The following ANKS1B variants were observed in gnomAD, a reference collection of about 807,000 sequenced individuals.
ANKS1B encodes ankyrin repeat and sterile alpha motif domain containing 1B, also known as ankyrin repeat and sterile alpha motif domain-containing protein 1B.
A neutral mutation model predicts 148.3 loss-of-function variants in ANKS1B; 36 were observed. The ratio of observed to expected loss-of-function variants is 0.24; its 90% CI spans 0.19 to 0.32. ANKS1B has a LOEUF of 0.32. Among genes scored for constraint, ANKS1B ranks in the 10% least tolerant of loss-of-function variants. The pLI is 1.00. For missense variants in ANKS1B, 1,157 were observed against 1,542.6 expected (o/e 0.75, Z 4.19); for synonymous variants, 542 against 560.8 (o/e 0.97, Z 0.47).
At chr12:99,001,158 A>AG (rs1266580749) in intron 17 of ANKS1B, among the ~76,000 whole-genome samples, 3 of 151,922 alleles carry the variant, frequency 2.0e-5, no homozygotes, top group Admixed American at 6.6e-5. Flanking sequence ...TTTTTGAGAC[A>AG]GGGTCTCGCT....
At chr12:99,226,303 C>T (rs542685971) in intron 14 of ANKS1B, among the ~76,000 whole-genome samples, 1 of 152,248 alleles carries the variant, frequency 6.6e-6, no homozygotes, top group East Asian at 1.9e-4. Context: ...CTATCACAAC[C>T]ATTTCATGTG....
chr12:99,451,213 G>C (rs952822316), intron 10 of ANKS1B, among the ~76,000 whole-genome samples: 2 of 151,954 alleles, frequency 1.3e-5, no homozygotes, highest in African/African-American at 4.8e-5. Flanking sequence ...ATGAATGTCA[G>C]TTTAGTCTAT....
chr12:99,189,846 T>C (rs2080405532), intron 14 of ANKS1B, among the ~76,000 whole-genome samples: 1 of 152,108 alleles, frequency 6.6e-6, no homozygotes. Context: ...GCCAGGGCAA[T>C]CAGGCAAGAC....
intron 9 of ANKS1B, among the ~76,000 whole-genome samples, chr12:99,582,717 G>C (rs975589981): frequency 2.0e-5 from 3 of 152,020 alleles, no homozygotes; most frequent in African/African-American, 4.8e-5. Flanking sequence ...GGTAAATAAG[G>C]GAATGTTTTT....
At chr12:99,928,277 T>TA (rs2094524192) in intron 1 of ANKS1B, among the ~76,000 whole-genome samples, 2 of 55,484 alleles carry the variant, frequency 3.6e-5, no homozygotes, top group Admixed American at 1.5e-4. Flanking sequence ...TTTTATTTTT[T>TA]TTTTTTTTTT....
intron 9 of ANKS1B, among the ~76,000 whole-genome samples, chr12:99,555,566 G>T (rs2097267421): frequency 6.6e-6 from 1 of 152,102 alleles, no homozygotes; most frequent in Admixed American, 6.6e-5. Flanking sequence ...TATGATGTTG[G>T]TTGTGGGTTT....
intron 9 of ANKS1B, among the ~76,000 whole-genome samples, chr12:99,601,395 T>C (rs887200181): frequency 4.6e-5 from 7 of 152,092 alleles, no homozygotes; most frequent in Admixed American, 6.6e-5. Context: ...AATTTTAACA[T>C]TGCCTGGAAA....
intron 9 of ANKS1B, among the ~76,000 whole-genome samples, chr12:99,544,973 T>C (rs924662267): frequency 1.3e-5 from 2 of 152,204 alleles, no homozygotes; most frequent in Non-Finnish European, 2.9e-5. Context: ...GAGCCCTGGC[T>C]ACATTATCTG....
At chr12:99,672,752 T>C (rs1017917756) in intron 8 of ANKS1B, among the ~76,000 whole-genome samples, 3 of 152,258 alleles carry the variant, frequency 2.0e-5, no homozygotes, top group South Asian at 2.1e-4. Flanking sequence ...CCCCCAGCCA[T>C]AGAATACCTT....
chr12:99,747,835 A>G (rs554516023), intron 8 of ANKS1B, among the ~76,000 whole-genome samples: 1 of 152,238 alleles, frequency 6.6e-6, no homozygotes, highest in East Asian at 1.9e-4. Context: ...AAAATGAACC[A>G]TTTTCTCATA....
intron 15 of ANKS1B, among the ~76,000 whole-genome samples, chr12:99,127,899 C>T (rs990631084): frequency 6.6e-6 from 1 of 152,154 alleles, no homozygotes; most frequent in African/African-American, 2.4e-5. Context: ...AGGATGAACA[C>T]AATTTATTTT....
chr12:98,842,421 G>C (rs2099412056), intron 17 of ANKS1B, among the ~76,000 whole-genome samples: 1 of 152,180 alleles, frequency 6.6e-6, no homozygotes, highest in Non-Finnish European at 1.5e-5. Context: ...TCTGGAGTAG[G>C]AATAGGAGCA....
chr12:99,791,735 T>C (rs2065680241), intron 4 of ANKS1B, among the ~76,000 whole-genome samples: 1 of 151,790 alleles, frequency 6.6e-6, no homozygotes, highest in African/African-American at 2.4e-5. Flanking sequence ...TACCAAAACC[T>C]ATGGGACACA....
At chr12:99,713,979 A>T (rs1404964459) in intron 8 of ANKS1B, among the ~76,000 whole-genome samples, 1 of 152,192 alleles carries the variant, frequency 6.6e-6, no homozygotes, top group Non-Finnish European at 1.5e-5. Flanking sequence ...ATGCACATTT[A>T]TCTTCTTTTT....
At chr12:99,781,926 G>T in intron 5 of ANKS1B, 96 bp downstream of exon 5, 3 of 1,045,194 alleles carry the variant, frequency 2.9e-6, no homozygotes, top group South Asian at 1.5e-5. Flanking sequence ...GCAAGAGGGT[G>T]ATTTGTGAAG....
rs2098498771 is a variant in ANKS1B at position 99,664,992 on chromosome 12, C to T, written c.1129-9782G>A. Among the ~76,000 whole-genome samples, 5 of 152,158 alleles carry T rather than the reference C, an allele frequency of 3.3e-5. No homozygotes were observed. The South Asian group carries it at 8.3e-4, about 25-fold the overall frequency. On this transcript the variant is annotated intron_variant, in intron 8 of 26. Transcript: ENST00000683438. ...TCCAAAGTAATATTCCATTGTATGG[C>T]TATACCAAAGTTTTGTTTATACATT... is the stretch of plus-strand genomic sequence containing the variant.
intron 1 of ANKS1B, among the ~76,000 whole-genome samples, chr12:99,975,947 T>C (rs1269168955): frequency 2.0e-5 from 3 of 152,180 alleles, no homozygotes; most frequent in African/African-American, 7.2e-5. Context: ...GGAATCAATC[T>C]AGATGCCCAT....
chr12:98,848,724 T>G (rs2099499597), intron 17 of ANKS1B, among the ~76,000 whole-genome samples: 1 of 144,762 alleles, frequency 6.9e-6, no homozygotes, highest in South Asian at 2.2e-4. Flanking sequence ...ATACCTGGAT[T>G]AATTTCTGTG....
At chr12:99,107,115 AAATT>A (rs1346547175) in intron 15 of ANKS1B, among the ~76,000 whole-genome samples, 1 of 151,874 alleles carries the variant, frequency 6.6e-6, no homozygotes, top group Non-Finnish European at 1.5e-5. Flanking sequence ...GAAAATATAT[AAATT>A]AATAATAAAT....
Sources: gnomAD v4.1 joint callset for allele counts (sites outside exome capture counted in the v4.1 genomes callset) on GRCh38, gnomAD v4.1.1 for gene constraint, MANE v1.5 for transcripts, NCBI Gene and HGNC (gene_info 2026-07-23, HGNC 2026-07-21) for gene names.